The following NIPBL variants were observed in gnomAD, a reference collection of about 807,000 sequenced individuals.
NIPBL encodes nipped-B-like protein.
Under a neutral mutation model 321.8 loss-of-function variants are expected in NIPBL, and 19 were observed. The observed-to-expected ratio is 0.06, with a 90% confidence interval of 0.04 to 0.09. NIPBL has a LOEUF of 0.09. Ranked by LOEUF, NIPBL falls within the 10% of genes least tolerant of loss-of-function variation. NIPBL has a pLI of 1.00. For synonymous variants in NIPBL, 1,106 were observed against 1,114.1 expected, an observed-to-expected ratio of 0.99 and a Z score of 0.14; for missense variants, 2,210 against 3,327.0, an observed-to-expected ratio of 0.66 and a Z score of 8.26.
chr5:36,954,327 G>T (rs1456939842), intron 2 of NIPBL, among the ~76,000 whole-genome samples: 1 of 152,182 alleles, frequency 6.6e-6, no homozygotes, highest in Non-Finnish European at 1.5e-5. Flanking sequence ...TCCATGTTCA[G>T]TATCCTCCAA....
intron 1 of NIPBL, among the ~76,000 whole-genome samples, chr5:36,952,922 A>G (rs182618954): frequency 1.6e-4 from 24 of 152,342 alleles, no homozygotes; most frequent in Admixed American, 5.9e-4. Context: ...AATAAATGTC[A>G]TAAGTTCAGA....
rs74573027 is a variant in NIPBL, at chr5:36,982,699, T to C, written c.1496-1977T>C. 7.1e-4 allele frequency among the ~76,000 whole-genome samples: 108 copies of C among 151,928 alleles called. 1 individual carries two copies. The highest frequency in any genetic ancestry group is 2.6e-3 in the African/African-American group (107 of 41,540). On this transcript the variant is annotated intron_variant, in intron 9 of 46. Coordinates refer to ENST00000282516, the MANE Select transcript of NIPBL (RefSeq NM_133433.4). Reference sequence around the variant, plus strand: ...TGCTAAATTTTCATTTTAATGTCTTTACGTAAATTGGATTGAGGTTAATAA... The same window carrying C: ...TGCTAAATTTTCATTTTAATGTCTTCACGTAAATTGGATTGAGGTTAATAA...
chr5:36,961,592 T>G lies in NIPBL; in HGVS notation c.458+9T>G. 6.9e-7 allele frequency: 1 copy of G among 1,452,500 alleles called. No homozygotes were observed. 90.0% of individuals were successfully genotyped at this position (1,452,500 alleles called of 1,614,324 possible). ...TCACATAGCCCCTCCAGGTAATATA[T>G]GTATATATCGTTTATTAAATATTGT... is the stretch of plus-strand genomic sequence containing the variant. On this transcript the variant is annotated intron_variant, in intron 5 of 46. Coordinates refer to ENST00000282516, the MANE Select transcript of NIPBL (RefSeq NM_133433.4).
chr5:36,934,062 A>T (rs1749980384), intron 1 of NIPBL, among the ~76,000 whole-genome samples: 1 of 152,108 alleles, frequency 6.6e-6, no homozygotes, highest in African/African-American at 2.4e-5. Flanking sequence ...TTATGTTTGT[A>T]TATGACCACC....
In NIPBL at chr5:36,933,074, A is replaced by C. The variant is rs1415552589; in HGVS notation, c.-79-20544A>C. ...TACAATATGCTTCTTAATTTATCACAATCTACTTGTATAGTTAAATTTTTA... is the reference window on the plus strand; with the variant it reads ...TACAATATGCTTCTTAATTTATCACCATCTACTTGTATAGTTAAATTTTTA... On this transcript the variant is annotated intron_variant, in intron 1 of 46. Coordinates refer to ENST00000282516, the MANE Select transcript of NIPBL (RefSeq NM_133433.4). Among the ~76,000 whole-genome samples the C allele has an allele frequency of 2.0e-5, 3 of 152,024 alleles. No homozygotes were observed. In the East Asian group the frequency reaches 5.8e-4, roughly 29 times the overall value.
chr5:36,943,263 G>C (rs368116618), intron 1 of NIPBL, among the ~76,000 whole-genome samples: 1 of 151,824 alleles, frequency 6.6e-6, no homozygotes, highest in Non-Finnish European at 1.5e-5. Flanking sequence ...ATTAACAATT[G>C]GAAATCAAAA....
In NIPBL at chr5:37,048,595, A is replaced by G; in HGVS notation, c.6683A>G (p.Asn2228Ser). The change falls in exon 39 of 47, where the codon AAT (asparagine) becomes AGT (serine). Residue 2228 changes from asparagine (N) to serine (S), a missense_variant. By Grantham distance (46) the Asn-to-Ser change is conservative. Transcript: ENST00000282516. ...NILSDKNSSV[N>S]LKIQVLKNLQ... The stretch of plus-strand genomic sequence containing the variant: ...TTATCTGATAAGAACTCCTCAGTCA[A>G]TTTAAAAATACAAGTGTTAAAAAAC... The G allele has an allele frequency of 1.2e-6, 2 of 1,603,514 alleles. No individual in the cohort carries two copies. The highest frequency in any genetic ancestry group is 1.7e-6 in the Non-Finnish European group (2 of 1,172,322).
intron 34 of NIPBL, among the ~76,000 whole-genome samples, chr5:37,039,144 C>T (rs77951640): frequency 0.014 from 2,181 of 151,996 alleles, 58 homozygotes; most frequent in African/African-American, 0.051. Flanking sequence ...CATTACTTCC[C>T]ATCTAATGCA....
chr5:37,042,607 T>C (rs1752528920), intron 34 of NIPBL, among the ~76,000 whole-genome samples: 1 of 151,908 alleles, frequency 6.6e-6, no homozygotes, highest in Admixed American at 6.5e-5. Flanking sequence ...CTGGCCAATA[T>C]GGTGAAACCC....
At chr5:37,004,349 T>C (rs1747169611) in intron 16 of NIPBL, among the ~76,000 whole-genome samples, 1 of 152,180 alleles carries the variant, frequency 6.6e-6, no homozygotes, top group Admixed American at 6.5e-5. Flanking sequence ...CAAACACTAA[T>C]GCTTATAGGC....
intron 14 of NIPBL, 88 bp from the exon 15 acceptor site, chr5:37,002,573 TA>T (rs1746948160): frequency 3.3e-6 from 3 of 899,508 alleles, no homozygotes; most frequent in South Asian, 2.7e-5. Context: ...TTTGCATGTC[TA>T]AAAATTTTAT....
At chr5:36,904,122 A>C (rs1747441259) in intron 1 of NIPBL, among the ~76,000 whole-genome samples, 1 of 152,242 alleles carries the variant, frequency 6.6e-6, no homozygotes, top group Non-Finnish European at 1.5e-5. Context: ...TTGTTTCTGC[A>C]AAATGAATTT....
intron 23 of NIPBL, among the ~76,000 whole-genome samples, 188 bp from the exon 24 acceptor site, chr5:37,016,831 T>A (rs1749052739): frequency 6.6e-6 from 1 of 152,068 alleles, no homozygotes; most frequent in African/African-American, 2.4e-5. Flanking sequence ...GTAATTTTTT[T>A]AGTCACATGA....
At chr5:37,007,572 C>A in intron 18 of NIPBL, 98 bp downstream of exon 18, 1 of 820,026 alleles carries the variant, frequency 1.2e-6, no homozygotes, top group Non-Finnish European at 1.9e-6. Context: ...ACTATATTAT[C>A]AAGAATTTTT....
chr5:36,897,212 C>G (rs1206478179), intron 1 of NIPBL, among the ~76,000 whole-genome samples: 1 of 151,916 alleles, frequency 6.6e-6, no homozygotes, highest in Non-Finnish European at 1.5e-5. Flanking sequence ...CTATGTTGGC[C>G]AGACTAGTCT....
intron 1 of NIPBL, among the ~76,000 whole-genome samples, chr5:36,951,160 C>T (rs1229762753): frequency 6.6e-6 from 1 of 152,124 alleles, no homozygotes; most frequent in East Asian, 1.9e-4. Flanking sequence ...TTTTATGTCA[C>T]TGTGAAAAGC....
Position 37,026,223 on chromosome 5 carries a change from T to G in NIPBL, c.5710-6T>G. 1 of 1,542,496 alleles carries G rather than the reference T, an allele frequency of 6.5e-7. No individual in the cohort carries two copies. Among genetic ancestry groups the G allele is most frequent in the Non-Finnish European group, 9.0e-7 (1 of 1,116,384 alleles). On this transcript the variant is annotated splice_polypyrimidine_tract_variant and splice_region_variant and intron_variant, in intron 30 of 46. Transcript: ENST00000282516. ...TTAGTTAATTTGAAATTTCTCTTCC[T>G]TCTAGAAATTAGTAAATGAAACATT...
chr5:37,051,759 ATTT>A lies in NIPBL; in HGVS notation c.6955-11_6955-9del, dbSNP rs757731487. On this transcript the variant is annotated splice_polypyrimidine_tract_variant and intron_variant, in intron 40 of 46. Coordinates refer to ENST00000282516, the MANE Select transcript of NIPBL (RefSeq NM_133433.4). ...ATTTTTACTACCATGATATCTCGTA[ATTT>A]TTTTTTTTATTTCCAGTGTGTGCCA... The A allele has an allele frequency of 7.2e-6, 9 of 1,252,300 alleles. No individual in the cohort carries two copies. The South Asian group carries it at 9.7e-5, about 14-fold the overall frequency. The allele number at this position is 1,252,300 out of a possible 1,614,324, so 77.6% of individuals were successfully genotyped here. A position where few individuals can be genotyped will look rare whatever the true frequency, so the allele number is the denominator to read the frequency against.
chr5:36,936,807 G>A (rs985488477), intron 1 of NIPBL, among the ~76,000 whole-genome samples: 12 of 151,468 alleles, frequency 7.9e-5, no homozygotes, highest in Admixed American at 2.6e-4. Context: ...TGGTGATAAC[G>A]AGACTTAACT....
Sources: allele counts gnomAD v4.1 joint callset (sites outside exome capture counted in the v4.1 genomes callset), GRCh38; gene constraint gnomAD v4.1.1; transcripts MANE v1.5; gene names NCBI Gene and HGNC (gene_info 2026-07-23, HGNC 2026-07-21).